TCF4: variants seen among roughly 807,000 people sequenced by gnomAD.
The protein encoded by TCF4 is transcription factor 4.
Under a neutral mutation model 82.1 loss-of-function variants are expected in TCF4, and 3 were observed. The ratio of observed to expected loss-of-function variants is 0.04; its 90% CI spans 0.02 to 0.09. The LOEUF is 0.09. Ranked by LOEUF, TCF4 falls within the 10% of genes least tolerant of loss-of-function variation. The pLI, the probability that TCF4 is intolerant of heterozygous loss-of-function variation, is 1.00. For missense variants in TCF4, 518 were observed against 852.7 expected (o/e 0.61, Z 4.89); for synonymous variants, 276 against 309.6 (o/e 0.89, Z 1.14).
At chr18:55,494,629 G>T (rs1390480117) in intron 3 of TCF4, among the ~76,000 whole-genome samples, 1 of 152,024 alleles carries the variant, frequency 6.6e-6, no homozygotes, top group Non-Finnish European at 1.5e-5. Flanking sequence ...AGGGTTTAAG[G>T]ATGCAAGTCA....
chr18:55,318,688 C>G (rs1203869151), intron 8 of TCF4, among the ~76,000 whole-genome samples: 2 of 151,862 alleles, frequency 1.3e-5, no homozygotes, highest in Non-Finnish European at 2.9e-5. Context: ...TTCACAGAAA[C>G]AAGGAAAAAT....
At chr18:55,486,108 CAAATA>C (rs1165110403) in intron 3 of TCF4, among the ~76,000 whole-genome samples, 2 of 152,132 alleles carry the variant, frequency 1.3e-5, no homozygotes, top group Non-Finnish European at 2.9e-5. Context: ...TGTACCTCTT[CAAATA>C]AATTATGAAT....
chr18:55,550,892 CT>C (rs2097254654), intron 3 of TCF4: 2 of 152,136 alleles, frequency 1.3e-5, no homozygotes, highest in African/African-American at 4.8e-5. Flanking sequence ...TGTCCATTCC[CT>C]CCCTGCTTCA....
chr18:55,425,675 A>G (rs1468937985), intron 5 of TCF4, among the ~76,000 whole-genome samples: 3 of 152,230 alleles, frequency 2.0e-5, no homozygotes, highest in African/African-American at 7.2e-5. Context: ...GCAGTACAAA[A>G]AGCAGATGTG....
At chr18:55,364,529 A>G (rs112043765) in intron 6 of TCF4, among the ~76,000 whole-genome samples, 4,030 of 152,264 alleles carry the variant, frequency 0.026, 176 homozygotes, top group African/African-American at 0.091. Context: ...AAAAAATATA[A>G]CCTGAGTAAC....
chr18:55,465,724 C>T (rs2096002408), intron 3 of TCF4, among the ~76,000 whole-genome samples: 1 of 152,172 alleles, frequency 6.6e-6, no homozygotes, highest in African/African-American at 2.4e-5. Context: ...CTACACGGTT[C>T]TCTTAATTCT....
chr18:55,460,030 G>A (rs1191709706), intron 5 of TCF4, among the ~76,000 whole-genome samples: 1 of 152,156 alleles, frequency 6.6e-6, no homozygotes, highest in East Asian at 1.9e-4. Flanking sequence ...AGGACCTGAA[G>A]TAACTGGTAT....
chr18:55,602,762 A>C (rs891271313), intron 2 of TCF4, among the ~76,000 whole-genome samples: 6 of 152,162 alleles, frequency 3.9e-5, no homozygotes, highest in Non-Finnish European at 5.9e-5. Flanking sequence ...ACACAGGAAA[A>C]TTTATCACCC....
chr18:55,612,931 G>A (rs1448838484), intron 2 of TCF4, among the ~76,000 whole-genome samples: 2 of 152,100 alleles, frequency 1.3e-5, no homozygotes, highest in Non-Finnish European at 2.9e-5. Flanking sequence ...CTGGGCAACA[G>A]AGCAAGACTC....
chr18:55,585,243 A>T, intron 3 of TCF4, 37 bp downstream of exon 3: 1 of 1,581,142 alleles, frequency 6.3e-7, no homozygotes, highest in South Asian at 1.1e-5. Flanking sequence ...AACAGCCCAG[A>T]ACATTTAACT....
intron 1 of TCF4, among the ~76,000 whole-genome samples, chr18:55,587,458 T>C (rs1208486844): frequency 1.4e-4 from 19 of 134,600 alleles, no homozygotes; most frequent in Middle Eastern, 4.3e-3. Flanking sequence ...AAAAAGCCGC[T>C]CTTCAGCGCA....
intron 11 of TCF4, chr18:55,268,212 C>T (rs1284914687): frequency 6.6e-6 from 1 of 152,026 alleles, no homozygotes; most frequent in Non-Finnish European, 1.5e-5. Context: ...TTCATACCTT[C>T]CTAAAAAAGA....
rs559932424 is a variant in TCF4 at position 55,556,455 on chromosome 18, C to A, written c.145+28825G>T. Among the ~76,000 whole-genome samples the A allele has an allele frequency of 2.6e-4, 40 of 152,234 alleles. No homozygotes were observed. In the South Asian group the frequency reaches 7.5e-3, roughly 28 times the overall value. On this transcript the variant is annotated intron_variant, in intron 3 of 19. Coordinates refer to ENST00000354452, the MANE Select transcript of TCF4 (RefSeq NM_001083962.2). ...TAGTAGATATGCAGCTATCAATAAG[C>A]AAATGCAAATTCTCCAACTGAACAG...
intron 3 of TCF4, among the ~76,000 whole-genome samples, chr18:55,565,093 C>T (rs115546540): frequency 1.5e-3 from 229 of 152,242 alleles, no homozygotes; most frequent in African/African-American, 5.4e-3. Context: ...TCTAGAAGCA[C>T]AGAGTTTCCA....
chr18:55,331,626 A>G lies in TCF4; in HGVS notation c.549+18733T>C, dbSNP rs536729948. ...TAGCCAGCTGTAACTTCCATTTGAG[A>G]ATAAGTCTTCATGAAATGGGAAAAT... is the stretch of plus-strand genomic sequence containing the variant. On this transcript the variant is annotated intron_variant, in intron 8 of 19. Transcript: ENST00000354452. 3.2e-4 allele frequency among the ~76,000 whole-genome samples: 49 copies of G among 152,350 alleles called. No homozygotes were observed. In the South Asian group the frequency reaches 9.8e-3, roughly 30 times the overall value.
At chr18:55,392,462 CA>C (rs772409228) in intron 6 of TCF4, among the ~76,000 whole-genome samples, 13,674 of 95,504 alleles carry the variant, frequency 0.14, 748 homozygotes, top group South Asian at 0.23. Context: ...AACAACCCCA[CA>C]AAAAAAAAAA....
intron 8 of TCF4, chr18:55,322,447 A>C (rs2075846589): frequency 9.9e-7 from 1 of 1,007,900 alleles, no homozygotes; most frequent in Non-Finnish European, 1.2e-6. Flanking sequence ...AAAAAAAAAA[A>C]AAACACCACG....
chr18:55,589,426 C>G (rs2097679118), upstream of TCF4: 3 of 1,056,464 alleles, frequency 2.8e-6, no homozygotes, highest in South Asian at 1.4e-4. Flanking sequence ...GGTACTCAGT[C>G]CTGCTCCAGG....
intron 3 of TCF4, among the ~76,000 whole-genome samples, chr18:55,561,786 C>T (rs915168479): frequency 6.6e-6 from 1 of 152,172 alleles, no homozygotes; most frequent in Non-Finnish European, 1.5e-5. Flanking sequence ...ATCCCTCATA[C>T]AAGAAAACTG....
Sources: gnomAD v4.1 joint callset for allele counts (sites outside exome capture counted in the v4.1 genomes callset) on GRCh38, gnomAD v4.1.1 for gene constraint, MANE v1.5 for transcripts, NCBI Gene and HGNC (gene_info 2026-07-23, HGNC 2026-07-21) for gene names.